The following CALN1 variants were observed in gnomAD, a reference collection of about 807,000 sequenced individuals.
CALN1 encodes calcium-binding protein 8.
A neutral mutation model predicts 30.6 loss-of-function variants in CALN1; 17 were observed. The ratio of observed to expected loss-of-function variants is 0.56; its 90% CI spans 0.38 to 0.83. The LOEUF (loss-of-function observed/expected upper bound fraction) is 0.83. Ranked by LOEUF, CALN1 falls within the 40% of genes least tolerant of loss-of-function variation. The pLI is 0.00. For missense variants in CALN1, 291 were observed against 354.9 expected, an observed-to-expected ratio of 0.82 and a Z score of 1.45; for synonymous variants, 156 against 131.4, an observed-to-expected ratio of 1.19 and a Z score of -1.28.
chr7:72,311,473 T>C (rs1055953516), intron 2 of CALN1, among the ~76,000 whole-genome samples: 1 of 151,884 alleles, frequency 6.6e-6, no homozygotes, highest in Non-Finnish European at 1.5e-5. Flanking sequence ...TGTATTTCTT[T>C]TTTCTTTTTT....
In CALN1 at chr7:72,317,254, AG is replaced by A. The variant is rs112742610; in HGVS notation, c.120-38445del. ...GAAGAGAAGGAAGGAAGGAGAGAGA[AG>A]GGGGGGACGGAGGGAGGGAGGAAGG... On this transcript the variant is annotated intron_variant, in intron 2 of 6. Coordinates refer to ENST00000395275, the MANE Select transcript of CALN1 (RefSeq NM_031468.4). 9.8e-3 allele frequency among the ~76,000 whole-genome samples: 1,121 copies of A among 114,748 alleles called. 22 individuals are homozygous for A. Among genetic ancestry groups the A allele is most frequent in the African/African-American group, 0.035 (1,065 of 30,454 alleles). The allele number at this position is 114,748 out of a possible 152,430, so 75.3% of individuals were successfully genotyped here.
chr7:71,828,565 C>T (rs1411248432), intron 5 of CALN1, among the ~76,000 whole-genome samples: 1 of 151,856 alleles, frequency 6.6e-6, no homozygotes, highest in South Asian at 2.1e-4. Flanking sequence ...AAGAATGCAA[C>T]CATCTGTCTC....
chr7:72,408,270 TAAAA>T (rs34402288), intron 1 of CALN1, among the ~76,000 whole-genome samples: 24 of 129,444 alleles, frequency 1.9e-4, no homozygotes, highest in African/African-American at 4.4e-4. Flanking sequence ...CCATCTCTAT[TAAAA>T]AAAAAAAAAA....
rs59136685 is a variant in CALN1, at chr7:71,811,676, C to CT, written c.502-1185dup. Reference sequence around the variant, plus strand: ...GTTTGATAGTGTCGCTTTCTTTTTTCTTTTTTTTTTTTTTTTTCCGAAATG... The same window carrying CT: ...GTTTGATAGTGTCGCTTTCTTTTTTCTTTTTTTTTTTTTTTTTTCCGAAATG... On this transcript the variant is annotated intron_variant, in intron 5 of 6. Coordinates refer to ENST00000395275, the MANE Select transcript of CALN1 (RefSeq NM_031468.4). Among the ~76,000 whole-genome samples the CT allele has an allele frequency of 5.2e-3, 731 of 139,912 alleles. 4 individuals carry two copies. Among genetic ancestry groups the CT allele is most frequent in the African/African-American group, 0.015 (592 of 38,956 alleles). 91.8% of individuals were successfully genotyped at this position (139,912 alleles called of 152,430 possible).
chr7:72,076,956 C>T (rs954149603), intron 4 of CALN1, among the ~76,000 whole-genome samples: 4 of 152,164 alleles, frequency 2.6e-5, no homozygotes, highest in African/African-American at 9.6e-5. Context: ...CAGAGTCTTG[C>T]TCTGTCACCC....
chr7:72,324,918 G>C (rs1801164208), intron 2 of CALN1, among the ~76,000 whole-genome samples: 1 of 152,156 alleles, frequency 6.6e-6, no homozygotes, highest in South Asian at 2.1e-4. Flanking sequence ...ACCCTTTGAG[G>C]GTTCCAGGGA....
intron 2 of CALN1, among the ~76,000 whole-genome samples, chr7:72,366,101 G>C (rs930493217): frequency 1.3e-5 from 2 of 152,044 alleles, no homozygotes; most frequent in Non-Finnish European, 2.9e-5. Context: ...CTATTGATGA[G>C]TGACTAAAGT....
intron 2 of CALN1, among the ~76,000 whole-genome samples, chr7:72,330,809 T>C (rs571130013): frequency 2.9e-4 from 44 of 152,320 alleles, no homozygotes; most frequent in Middle Eastern, 3.4e-3. Context: ...CCCTCTCCAA[T>C]AGCCTGGTCA....
chr7:72,437,742 C>A (rs1453469736), intron 1 of CALN1, among the ~76,000 whole-genome samples: 1 of 136,752 alleles, frequency 7.3e-6, no homozygotes, highest in Non-Finnish European at 1.6e-5. Context: ...CCCTCCCACC[C>A]TTCCTTCCTT....
At chr7:72,129,463 CAGAT>C (rs372448012) in intron 3 of CALN1, among the ~76,000 whole-genome samples, 14 of 151,500 alleles carry the variant, frequency 9.2e-5, no homozygotes, top group African/African-American at 3.2e-4. Flanking sequence ...TATAGATAGA[CAGAT>C]AGATGAATTT....
At chr7:72,044,637 A>G in intron 4 of CALN1, among the ~76,000 whole-genome samples, 2 of 110,584 alleles carry the variant, frequency 1.8e-5, no homozygotes, top group Admixed American at 1.3e-4. Flanking sequence ...TTTGAGGCAG[A>G]GTGTTGCTCT....
intron 1 of CALN1, among the ~76,000 whole-genome samples, chr7:72,421,883 G>C (rs998667900): frequency 6.6e-6 from 1 of 152,004 alleles, no homozygotes; most frequent in Non-Finnish European, 1.5e-5. Context: ...TATGGCATTT[G>C]GTTTTCCATT....
At chr7:72,231,659 TA>T (rs1410091446) in intron 3 of CALN1, among the ~76,000 whole-genome samples, 3 of 152,188 alleles carry the variant, frequency 2.0e-5, no homozygotes, top group Admixed American at 2.0e-4. Context: ...TCACTGTGCC[TA>T]ATTTATAAAT....
At chr7:72,209,207 TCCTTCCTTCCCTCC>T (rs1309361701) in intron 3 of CALN1, among the ~76,000 whole-genome samples, 1 of 105,166 alleles carries the variant, frequency 9.5e-6, no homozygotes, top group African/African-American at 4.0e-5. Flanking sequence ...CCTCCTTCCC[TCCTTCCTTCCCTCC>T]TTCCCTCTTT....
chr7:72,030,259 G>T (rs535321617), intron 4 of CALN1, among the ~76,000 whole-genome samples: 24 of 152,194 alleles, frequency 1.6e-4, no homozygotes, highest in African/African-American at 5.8e-4. Context: ...ATGTCTCCAG[G>T]CCCATGGTTG....
intron 2 of CALN1, among the ~76,000 whole-genome samples, chr7:72,321,733 A>C (rs1391272844): frequency 6.6e-6 from 1 of 152,182 alleles, no homozygotes; most frequent in Non-Finnish European, 1.5e-5. Context: ...AGGTGCCTTT[A>C]ACGTGACTAT....
intron 2 of CALN1, among the ~76,000 whole-genome samples, chr7:72,375,144 A>G (rs554103412): frequency 7.9e-5 from 12 of 152,230 alleles, no homozygotes; most frequent in Non-Finnish European, 1.3e-4. Context: ...TTAAACACGC[A>G]TTGTCTTGTA....
chr7:72,420,621 C>CTTTTTT (rs1162542514), intron 1 of CALN1, among the ~76,000 whole-genome samples: 1 of 131,318 alleles, frequency 7.6e-6, no homozygotes, highest in Admixed American at 7.9e-5. Flanking sequence ...CTGGATGCAT[C>CTTTTTT]TTTTTTTTTT....
rs993346367 is a variant in CALN1, at chr7:72,333,527, C to T, written c.120-54717G>A. Among the ~76,000 whole-genome samples, 12 of 152,206 alleles carry T rather than the reference C, an allele frequency of 7.9e-5. No homozygotes were observed. The East Asian group carries it at 1.7e-3, about 22-fold the overall frequency. ...CTAATCTTGAAGGATGGTTTCATAG[C>T]TTAAGAGTCAGAACTCACACTGTTT... On this transcript the variant is annotated intron_variant, in intron 2 of 6. Transcript: ENST00000395275.
Sources: gnomAD v4.1 joint callset for allele counts (sites outside exome capture counted in the v4.1 genomes callset) on GRCh38, gnomAD v4.1.1 for gene constraint, MANE v1.5 for transcripts, NCBI Gene and HGNC (gene_info 2026-07-23, HGNC 2026-07-21) for gene names.